Variants in FBXL20 observed in about 807,000 individuals in gnomAD.
FBXL20 encodes the protein F-box/LRR-repeat protein 20.
Under a neutral mutation model 64.0 loss-of-function variants are expected in FBXL20, and 11 were observed. The observed-to-expected ratio is 0.17, with a 90% CI of 0.11 to 0.28. The LOEUF is 0.28. Ranked by LOEUF, FBXL20 falls within the 10% of genes least tolerant of loss-of-function variation. FBXL20 has a pLI of 1.00. For missense variants in FBXL20, 303 were observed against 526.2 expected (o/e 0.58, Z 4.15); for synonymous variants, 184 against 189.0 (o/e 0.97, Z 0.22).
At chr17:39,373,384 C>A (rs1441466458) in intron 1 of FBXL20, among the ~76,000 whole-genome samples, 1 of 152,302 alleles carries the variant, frequency 6.6e-6, no homozygotes, top group Non-Finnish European at 1.5e-5. Flanking sequence ...CTCTCTCCTG[C>A]GTTGAAAAGC....
intron 2 of FBXL20, among the ~76,000 whole-genome samples, chr17:39,319,588 G>C (rs959433915): frequency 6.6e-6 from 1 of 150,406 alleles, no homozygotes; most frequent in African/African-American, 2.5e-5. Context: ...AGGAGGCTGA[G>C]GCAGGACAAT....
intron 14 of FBXL20, among the ~76,000 whole-genome samples, chr17:39,262,579 C>A (rs2046756548): frequency 1.3e-5 from 2 of 152,000 alleles, no homozygotes; most frequent in Admixed American, 6.6e-5. Flanking sequence ...CCGCGACTGG[C>A]CTAGAGGTTG....
chr17:39,320,690 G>C (rs1388685711), intron 2 of FBXL20, among the ~76,000 whole-genome samples: 1 of 151,548 alleles, frequency 6.6e-6, no homozygotes, highest in African/African-American at 2.4e-5. Context: ...CGCCTCCCAG[G>C]CTCAAGCGAT....
At chr17:39,374,474 G>A (rs1221011211) in intron 1 of FBXL20, among the ~76,000 whole-genome samples, 1 of 151,826 alleles carries the variant, frequency 6.6e-6, no homozygotes, top group Non-Finnish European at 1.5e-5. Context: ...CTGGGAGGCG[G>A]AGGTTGCAGT....
intron 1 of FBXL20, among the ~76,000 whole-genome samples, chr17:39,396,303 A>C (rs1247118561): frequency 1.3e-5 from 2 of 152,014 alleles, no homozygotes; most frequent in African/African-American, 4.8e-5. Context: ...GAAAAGTAAA[A>C]AGAATGACCA....
At chr17:39,327,362 C>T (rs1449323183) in intron 2 of FBXL20, among the ~76,000 whole-genome samples, 2 of 151,934 alleles carry the variant, frequency 1.3e-5, no homozygotes, top group African/African-American at 4.8e-5. Flanking sequence ...GGGTAAATCA[C>T]TTTATGTGCT....
chr17:39,308,157 T>TC (rs1193095326), intron 2 of FBXL20, among the ~76,000 whole-genome samples: 2 of 151,146 alleles, frequency 1.3e-5, no homozygotes, highest in African/African-American at 2.4e-5. Context: ...TTTTTTTTTT[T>TC]CCTAAAGACA....
intron 1 of FBXL20, among the ~76,000 whole-genome samples, chr17:39,363,520 G>GATAA (rs1332548508): frequency 6.6e-6 from 1 of 151,224 alleles, no homozygotes; most frequent in African/African-American, 2.4e-5. Context: ...TATACAAACA[G>GATAA]ATAAATAATG....
intron 1 of FBXL20, among the ~76,000 whole-genome samples, chr17:39,364,705 C>T (rs2047841726): frequency 6.6e-6 from 1 of 152,210 alleles, no homozygotes; most frequent in South Asian, 2.1e-4. Flanking sequence ...TCTTGACAGA[C>T]TCCTGCAGCC....
intron 2 of FBXL20, among the ~76,000 whole-genome samples, chr17:39,335,416 C>G (rs996795172): frequency 6.6e-6 from 1 of 151,814 alleles, no homozygotes; most frequent in African/African-American, 2.4e-5. Context: ...TGCAGTGTCT[C>G]TACTAAAAAT....
In FBXL20 at chr17:39,282,746, A is replaced by G; in HGVS notation, c.604T>C (p.Leu202=). The G allele has an allele frequency of 1.2e-6, 2 of 1,614,154 alleles. No individual in the cohort carries two copies. The highest frequency in any genetic ancestry group is 1.7e-6 in the Non-Finnish European group (2 of 1,180,022). The change falls in exon 8 of 15, where the codon TTA becomes CTA. Residue 202 remains leucine, a synonymous_variant. Coordinates refer to ENST00000264658, the MANE Select transcript of FBXL20 (RefSeq NM_032875.3). ...RGCGGLKALF[L]KGCTQLEDEA... ...AGTATTACCTGCGTGCAGCCTTTTA[A>G]GAATAAGGCCTTGAGACCCCCACAG...
chr17:39,360,448 T>A (rs1345429255), intron 1 of FBXL20, among the ~76,000 whole-genome samples: 1 of 152,248 alleles, frequency 6.6e-6, no homozygotes, highest in Non-Finnish European at 1.5e-5. Flanking sequence ...GTTGTCAATT[T>A]TAAATTTTCA....
chr17:39,293,475 A>C (rs765818526), intron 6 of FBXL20, among the ~76,000 whole-genome samples: 1 of 151,814 alleles, frequency 6.6e-6, no homozygotes, highest in Non-Finnish European at 1.5e-5. Flanking sequence ...TGCCCACCTC[A>C]GCCTCCCAAA....
intron 1 of FBXL20, among the ~76,000 whole-genome samples, chr17:39,392,438 C>CAAA (rs67507209): frequency 9.6e-6 from 1 of 104,002 alleles, no homozygotes; most frequent in Non-Finnish European, 2.2e-5. Context: ...AGATTGTCTC[C>CAAA]AAAAAAAAAA....
At chr17:39,261,608 T>G in intron 14 of FBXL20, 41 bp from the exon 15 acceptor site, 1 of 1,456,772 alleles carries the variant, frequency 6.9e-7, no homozygotes, top group Non-Finnish European at 9.5e-7. Context: ...AGAGAGGGCT[T>G]AAACAGAAAG....
intron 2 of FBXL20, among the ~76,000 whole-genome samples, chr17:39,329,271 A>G (rs1338397934): frequency 6.6e-6 from 1 of 152,340 alleles, no homozygotes; most frequent in South Asian, 2.1e-4. Context: ...ACCCAAATCC[A>G]TAAGTTAAAT....
upstream of FBXL20, chr17:39,401,640 C>G: frequency 1.5e-6 from 2 of 1,367,142 alleles, no homozygotes; most frequent in Non-Finnish European, 1.9e-6. Flanking sequence ...GCCTCAACTT[C>G]AACCCAAAAC....
intron 1 of FBXL20, among the ~76,000 whole-genome samples, chr17:39,365,250 G>C (rs2047848266): frequency 6.6e-6 from 1 of 152,106 alleles, no homozygotes; most frequent in Non-Finnish European, 1.5e-5. Context: ...ACCAACACCA[G>C]ATGTTTTTTC....
chr17:39,349,935 CA>C (rs35010353), intron 1 of FBXL20, among the ~76,000 whole-genome samples: 43,618 of 110,800 alleles, frequency 0.39, 6,832 homozygotes, highest in African/African-American at 0.52. Flanking sequence ...GACTCCGTCT[CA>C]AAAAAAAAAA....
Sources: allele counts gnomAD v4.1 joint callset (sites outside exome capture counted in the v4.1 genomes callset), GRCh38; gene constraint gnomAD v4.1.1; transcripts MANE v1.5; gene names NCBI Gene and HGNC (gene_info 2026-07-23, HGNC 2026-07-21).